Variants in CES5A observed in about 807,000 individuals in gnomAD.
The protein encoded by CES5A is carboxylesterase 5A, also known as carboxylesterase 5.
A neutral mutation model predicts 62.9 loss-of-function variants in CES5A; 67 were observed. The ratio of observed to expected loss-of-function variants is 1.07; its 90% CI spans 0.88 to 1.31. The LOEUF (loss-of-function observed/expected upper bound fraction) is 1.31. Ranked by LOEUF, CES5A falls within the 50% of genes most tolerant of loss-of-function variation. CES5A has a pLI of 0.00. For missense variants in CES5A, 748 were observed against 708.5 expected, an observed-to-expected ratio of 1.06 and a Z score of -0.63; for synonymous variants, 296 against 280.8, an observed-to-expected ratio of 1.05 and a Z score of -0.54.
intron 9 of CES5A, among the ~76,000 whole-genome samples, chr16:55,854,742 G>T (rs2033206269): frequency 6.6e-6 from 1 of 150,838 alleles, no homozygotes; most frequent in African/African-American, 2.4e-5. Flanking sequence ...GTGTTGCCCA[G>T]GCTTTTCTTG....
At chr16:55,888,768 A>G (rs929513900) in intron 1 of CES5A, among the ~76,000 whole-genome samples, 1 of 152,208 alleles carries the variant, frequency 6.6e-6, no homozygotes, top group Non-Finnish European at 1.5e-5. Flanking sequence ...TATTCTAATT[A>G]TAGATGACAA....
chr16:55,869,578 G>A (rs1257812702), intron 4 of CES5A, 33 bp downstream of exon 4: 12 of 1,609,232 alleles, frequency 7.5e-6, no homozygotes, highest in Non-Finnish European at 1.0e-5. Context: ...GCCCTTTGGG[G>A]ATCTGGGATG....
rs200803869 is a variant in CES5A, at chr16:55,854,543, TC to T, written c.1126-1516del. ...GCCTGTAGTGTTTCTTTTTTTTTTT[TC>T]TTTTTTTTTTTTTGAGACAGAGTCT... On this transcript the variant is annotated intron_variant, in intron 9 of 12. Coordinates refer to ENST00000290567, the MANE Select transcript of CES5A (RefSeq NM_001143685.2). Among the ~76,000 whole-genome samples the T allele has an allele frequency of 2.1e-3, 124 of 57,788 alleles. 10 individuals carry two copies. The highest frequency in any genetic ancestry group is 7.5e-3 in the Middle Eastern group (1 of 134). The allele number at this position is 57,788 out of a possible 152,430, so 37.9% of individuals were successfully genotyped here. A position where few individuals can be genotyped will look rare whatever the true frequency, so the allele number is the denominator to read the frequency against.
intron 1 of CES5A, among the ~76,000 whole-genome samples, chr16:55,920,591 G>A (rs2034194648): frequency 6.6e-6 from 1 of 152,196 alleles, no homozygotes; most frequent in African/African-American, 2.4e-5. Flanking sequence ...GCTACCTAGA[G>A]TTGAAAATGA....
intron 1 of CES5A, among the ~76,000 whole-genome samples, chr16:55,885,759 T>C (rs1468112424): frequency 3.3e-5 from 5 of 152,148 alleles, no homozygotes; most frequent in Non-Finnish European, 5.9e-5. Context: ...GTGCCCTGGT[T>C]CAATGATTGG....
intron 1 of CES5A, among the ~76,000 whole-genome samples, chr16:55,914,803 T>C (rs1431855074): frequency 1.3e-5 from 2 of 152,100 alleles, no homozygotes; most frequent in Non-Finnish European, 1.5e-5. Flanking sequence ...AGGACACTAG[T>C]GGGAAACTGG....
intron 5 of CES5A, 40 bp downstream of exon 5, chr16:55,865,923 G>A (rs369422395): frequency 1.8e-4 from 296 of 1,612,502 alleles, no homozygotes; most frequent in Non-Finnish European, 2.1e-4. Flanking sequence ...TGGAACCTCC[G>A]GCACTGAGAT....
chr16:55,952,009 T>C (rs1324449169), intron 1 of CES5A, among the ~76,000 whole-genome samples: 1 of 152,116 alleles, frequency 6.6e-6, no homozygotes, highest in African/African-American at 2.4e-5. Flanking sequence ...CAGTCACACA[T>C]GGAGCATTCA....
At chr16:55,860,692 TG>T (rs1357750085) in intron 7 of CES5A, among the ~76,000 whole-genome samples, 3 of 152,226 alleles carry the variant, frequency 2.0e-5, no homozygotes, top group Non-Finnish European at 2.9e-5. Context: ...TTTAGGTTTC[TG>T]TTTTGAGATT....
intron 1 of CES5A, among the ~76,000 whole-genome samples, chr16:55,916,286 T>A (rs1490038067): frequency 2.0e-5 from 3 of 152,218 alleles, no homozygotes; most frequent in African/African-American, 7.2e-5. Flanking sequence ...GAATAATGAC[T>A]GGTAATGGTT....
At chr16:55,869,376 G>A (rs1463415007) in intron 4 of CES5A, 11 of 612,488 alleles carry the variant, frequency 1.8e-5, no homozygotes, top group East Asian at 8.2e-5. Flanking sequence ...AATGTCTGCC[G>A]ATCAGGGATG....
At chr16:55,859,953 A>T (rs1207530007) in intron 7 of CES5A, among the ~76,000 whole-genome samples, 2 of 152,180 alleles carry the variant, frequency 1.3e-5, no homozygotes, top group Non-Finnish European at 2.9e-5. Context: ...CTACCAAGAA[A>T]AACAGTGGCC....
At chr16:55,918,413 A>C (rs1225127728) in intron 1 of CES5A, among the ~76,000 whole-genome samples, 1 of 152,092 alleles carries the variant, frequency 6.6e-6, no homozygotes, top group Non-Finnish European at 1.5e-5. Flanking sequence ...TCTCAATTGA[A>C]ATATCTCTTC....
chr16:55,931,947 A>T, intron 2 of CES5A, among the ~76,000 whole-genome samples: 1 of 152,128 alleles, frequency 6.6e-6, no homozygotes, highest in South Asian at 2.1e-4. Flanking sequence ...GTTGAAACCC[A>T]ATCACCAATG....
intron 1 of CES5A, among the ~76,000 whole-genome samples, chr16:55,905,399 C>A (rs2034030801): frequency 6.6e-6 from 1 of 150,894 alleles, no homozygotes; most frequent in African/African-American, 2.4e-5. Flanking sequence ...TGGAGTCTCG[C>A]TCTGTCACCC....
chr16:55,871,494 T>A, intron 3 of CES5A, 131 bp downstream of exon 3: 1 of 979,904 alleles, frequency 1.0e-6, no homozygotes, highest in Non-Finnish European at 1.5e-6. Flanking sequence ...TTTTAAAAAT[T>A]GTTGATGTGA....
chr16:55,849,051 G>A (rs2033075677), intron 11 of CES5A, among the ~76,000 whole-genome samples: 1 of 152,164 alleles, frequency 6.6e-6, no homozygotes, highest in Non-Finnish European at 1.5e-5. Flanking sequence ...AAATATTTTA[G>A]TGATAACTCC....
Position 55,944,134 on chromosome 16 carries a change from T to G in CES5A, c.160+5651A>C, listed in dbSNP as rs778371649. ...AGACTTCAAGGGATCTGACAACCTC[T>G]CTGTATTACTTATGGGCTAAGAAAT... is the stretch of plus-strand genomic sequence containing the variant. On this transcript the variant is annotated intron_variant, in intron 2 of 13. Coordinates refer to the CES5A transcript ENST00000521992. 12 of 701,884 alleles carry G rather than the reference T, an allele frequency of 1.7e-5. No homozygotes were observed. In the African/African-American group the frequency reaches 1.7e-4, roughly 10 times the overall value. The allele number at this position is 701,884 out of a possible 1,614,324, so 43.5% of individuals were successfully genotyped here. A position where few individuals can be genotyped will look rare whatever the true frequency, so the allele number is the denominator to read the frequency against.
chr16:55,915,456 G>A (rs1439427468), intron 1 of CES5A, among the ~76,000 whole-genome samples: 2 of 152,106 alleles, frequency 1.3e-5, no homozygotes, highest in East Asian at 1.9e-4. Context: ...GGACAAGGGA[G>A]ATAACTGGAA....
Sources: allele counts gnomAD v4.1 joint callset (sites outside exome capture counted in the v4.1 genomes callset), GRCh38; gene constraint gnomAD v4.1.1; transcripts MANE v1.5; gene names NCBI Gene and HGNC (gene_info 2026-07-23, HGNC 2026-07-21).